Variants in HHAT observed in about 807,000 individuals in gnomAD.
The protein encoded by HHAT is protein-cysteine N-palmitoyltransferase HHAT.
Under a neutral mutation model 70.8 loss-of-function variants are expected in HHAT, and 47 were observed. The ratio of observed to expected loss-of-function variants is 0.66; its 90% confidence interval spans 0.53 to 0.85. The LOEUF is 0.85. Among genes scored for constraint, HHAT ranks in the 40% least tolerant of loss-of-function variants. HHAT has a pLI of 0.00. For synonymous variants in HHAT, 228 were observed against 247.6 expected, an observed-to-expected ratio of 0.92 and a Z score of 0.74; for missense variants, 609 against 604.8, an observed-to-expected ratio of 1.01 and a Z score of -0.07.
intron 1 of HHAT, 110 bp downstream of exon 1, chr1:210,329,214 C>G: frequency 1.6e-6 from 2 of 1,231,662 alleles, no homozygotes; most frequent in African/African-American, 1.6e-5. Context: ...GTTTCCTACC[C>G]AAGTTCCCGT....
chr1:210,663,107 C>T (rs1190730108), intron 11 of HHAT, among the ~76,000 whole-genome samples: 1 of 152,138 alleles, frequency 6.6e-6, no homozygotes, highest in Non-Finnish European at 1.5e-5. Context: ...GCACTGGGAA[C>T]ATGCTCTTCA....
At chr1:210,479,009 C>G (rs2094349803) in intron 8 of HHAT, among the ~76,000 whole-genome samples, 1 of 152,090 alleles carries the variant, frequency 6.6e-6, no homozygotes, top group African/African-American at 2.4e-5. Flanking sequence ...CTGTTGTACT[C>G]TGACCACTGA....
intron 7 of HHAT, among the ~76,000 whole-genome samples, chr1:210,449,905 C>T (rs1035586264): frequency 7.5e-6 from 1 of 132,934 alleles, no homozygotes; most frequent in African/African-American, 2.5e-5. Context: ...GCCACAGGGA[C>T]AGAGAGGAAG....
At chr1:210,402,372 C>T (rs1363501978) in intron 5 of HHAT, among the ~76,000 whole-genome samples, 2 of 152,336 alleles carry the variant, frequency 1.3e-5, no homozygotes, top group East Asian at 3.9e-4. Context: ...CACTGCCCAA[C>T]TGGCAGGAGC....
intron 9 of HHAT, among the ~76,000 whole-genome samples, chr1:210,517,464 C>A (rs76857740): frequency 6.6e-6 from 1 of 151,914 alleles, no homozygotes; most frequent in Non-Finnish European, 1.5e-5. Context: ...TCTTTTAAGA[C>A]AAAGGTGTAC....
At chr1:210,329,313 A>G (rs761158537) in intron 1 of HHAT, 7 of 1,220,356 alleles carry the variant, frequency 5.7e-6, no homozygotes, top group African/African-American at 1.6e-5. Context: ...GCGCCCGGGC[A>G]AAGGCGGGGA....
intron 10 of HHAT, among the ~76,000 whole-genome samples, chr1:210,622,668 G>T (rs933499188): frequency 2.1e-4 from 32 of 152,160 alleles, no homozygotes; most frequent in African/African-American, 7.5e-4. Context: ...CGTGTGCTGC[G>T]GGTGAAGTGT....
chr1:210,416,553 T>C (rs1287352043), intron 6 of HHAT, among the ~76,000 whole-genome samples: 1 of 150,138 alleles, frequency 6.7e-6, no homozygotes, highest in Admixed American at 6.6e-5. Context: ...TTCTAGAATC[T>C]ATGTGTTTTA....
At chr1:210,622,123 G>A (rs1272872062) in intron 10 of HHAT, among the ~76,000 whole-genome samples, 4 of 152,326 alleles carry the variant, frequency 2.6e-5, no homozygotes, top group East Asian at 3.9e-4. Flanking sequence ...TCTTGCTGAA[G>A]ACTCGCCCTC....
At chr1:210,431,169 G>A (rs1480855856) in intron 7 of HHAT, among the ~76,000 whole-genome samples, 2 of 151,804 alleles carry the variant, frequency 1.3e-5, no homozygotes, top group Admixed American at 6.6e-5. Context: ...TGTTACCAAC[G>A]TGGTGCTGCT....
At chr1:210,592,706 T>C (rs960725927) in intron 10 of HHAT, among the ~76,000 whole-genome samples, 1 of 152,110 alleles carries the variant, frequency 6.6e-6, no homozygotes, top group Non-Finnish European at 1.5e-5. Flanking sequence ...CTTCGATTTC[T>C]TTCATCAGTG....
chr1:210,347,648 C>T (rs2086639400), intron 1 of HHAT, among the ~76,000 whole-genome samples: 1 of 152,116 alleles, frequency 6.6e-6, no homozygotes, highest in African/African-American at 2.4e-5. Flanking sequence ...TCATGGCTGC[C>T]ATGATGGAGA....
At chr1:210,531,074 A>C (rs1192646179) in intron 9 of HHAT, among the ~76,000 whole-genome samples, 1 of 152,208 alleles carries the variant, frequency 6.6e-6, no homozygotes, top group Non-Finnish European at 1.5e-5. Context: ...CATAGGCTTT[A>C]TGGTGGAGCC....
At chr1:210,347,324 C>A (rs1571766562) in intron 1 of HHAT, among the ~76,000 whole-genome samples, 1 of 152,194 alleles carries the variant, frequency 6.6e-6, no homozygotes, top group Non-Finnish European at 1.5e-5. Context: ...ATGCCTACCT[C>A]CCCTGTTCCA....
At chr1:210,496,280 G>C (rs1021900587) in intron 8 of HHAT, among the ~76,000 whole-genome samples, 1 of 152,068 alleles carries the variant, frequency 6.6e-6, no homozygotes, top group Non-Finnish European at 1.5e-5. Flanking sequence ...AGGCCTCAGC[G>C]TCTCACCACA....
At chr1:210,415,110 T>C (rs1267376137) in intron 6 of HHAT, among the ~76,000 whole-genome samples, 1 of 152,222 alleles carries the variant, frequency 6.6e-6, no homozygotes, top group East Asian at 1.9e-4. Context: ...CTTTCCAGCT[T>C]TGGATTATTT....
At chr1:210,339,978 A>G (rs1194261928) in intron 1 of HHAT, among the ~76,000 whole-genome samples, 1 of 151,862 alleles carries the variant, frequency 6.6e-6, no homozygotes, top group African/African-American at 2.4e-5. Context: ...TGTTGGTGAA[A>G]CCTTTCTGGG....
intron 1 of HHAT, among the ~76,000 whole-genome samples, chr1:210,341,250 G>C (rs1298399835): frequency 6.6e-6 from 1 of 152,198 alleles, no homozygotes; most frequent in Non-Finnish European, 1.5e-5. Flanking sequence ...TCTGGTGCAT[G>C]TGAGTATTGG....
intron 4 of HHAT, among the ~76,000 whole-genome samples, chr1:210,398,137 G>A (rs2091892837): frequency 1.3e-5 from 2 of 152,262 alleles, no homozygotes; most frequent in African/African-American, 4.8e-5. Flanking sequence ...GGTGTTTTGG[G>A]GATAGGATTC....
Sources: gnomAD v4.1 joint callset for allele counts (sites outside exome capture counted in the v4.1 genomes callset) on GRCh38, gnomAD v4.1.1 for gene constraint, MANE v1.5 for transcripts, NCBI Gene and HGNC (gene_info 2026-07-23, HGNC 2026-07-21) for gene names.